Variants in ATP6V0E2 observed in about 807,000 individuals in gnomAD.
ATP6V0E2 encodes the protein V-type proton ATPase subunit e 2.
In ATP6V0E2, 4 loss-of-function variants were observed where a neutral mutation model predicts 11.5. The ratio of observed to expected loss-of-function variants is 0.35; its 90% CI spans 0.17 to 0.80. The LOEUF (loss-of-function observed/expected upper bound fraction) is 0.80. Among genes scored for constraint, ATP6V0E2 ranks in the 30% least tolerant of loss-of-function variants. ATP6V0E2 has a pLI of 0.53. For synonymous variants in ATP6V0E2, 52 were observed against 51.0 expected (o/e 1.02, Z -0.09); for missense variants, 93 against 113.5 (o/e 0.82, Z 0.82).
At position 149,879,664 on chromosome 7, in the gene ATP6V0E2, T is replaced by C; in HGVS notation, c.*349T>C. 6.9e-7 allele frequency: 1 copy of C among 1,446,396 alleles called. No individual in the cohort carries two copies. The highest frequency in any genetic ancestry group is 9.1e-7 in the Non-Finnish European group (1 of 1,095,796). The allele number at this position is 1,446,396 out of a possible 1,614,324, so 89.6% of individuals were successfully genotyped here. A position where few individuals can be genotyped will look rare whatever the true frequency, so the allele number is the denominator to read the frequency against. ...TTACAGACGGGGCAGATGCCAGGAC[T>C]CAGCCCATCCTGAGGAGGACACGTG... is the stretch of plus-strand genomic sequence containing the variant. On this transcript the variant is annotated 3_prime_UTR_variant, in exon 4 of 4. Transcript: ENST00000425642.
In ATP6V0E2 at chr7:149,875,628, C is replaced by T. The variant is rs369744898; in HGVS notation, c.135C>T (p.Ala45=). ...GVIITMLVAT[A]VCCYLFWLIA... The stretch of plus-strand genomic sequence containing the variant: ...TCATCACCATGCTGGTCGCCACCGC[C>T]GTCTGCTGTTACCTCTTGTAAGTAC... Residue 45 remains alanine, a synonymous_variant, in exon 2 of 4, where the codon GCC becomes GCT. Transcript: ENST00000425642. The T allele has an allele frequency of 1.2e-5, 20 of 1,613,724 alleles. No individual in the cohort carries two copies. Among genetic ancestry groups the T allele is most frequent in the Admixed American group, 3.3e-5 (2 of 59,980 alleles).
Position 149,873,984 on chromosome 7 carries a change from C to G in ATP6V0E2, c.-82C>G. ...CTCGACTCCTGTTGCGCATGCTCAG[C>G]GCGCTGCCCGGCTGGGGACCCGCGC... On this transcript the variant is annotated 5_prime_UTR_variant, in exon 1 of 4. Transcript: ENST00000425642. The G allele has an allele frequency of 6.5e-7, 1 of 1,544,536 alleles. No individual in the cohort carries two copies. The highest frequency in any genetic ancestry group is 8.7e-7 in the Non-Finnish European group (1 of 1,145,846).
upstream of ATP6V0E2, chr7:149,873,222 A>T (rs1802927834): frequency 6.6e-6 from 1 of 152,174 alleles, no homozygotes; most frequent in African/African-American, 2.4e-5. Flanking sequence ...ATTTAAACAA[A>T]CCTTAACTAC....
At chr7:149,874,887 G>A (rs1034742417) in intron 1 of ATP6V0E2, 3 of 153,352 alleles carry the variant, frequency 2.0e-5, no homozygotes, top group Non-Finnish European at 4.4e-5. Context: ...CAAAGATCAA[G>A]GGCCTCGTTT....
Position 149,878,668 on chromosome 7 carries a change from TCC to T in ATP6V0E2, c.153-8_153-7del. ...GTGCCAGGCTCACCATGCTTTGCTGTCCCTGGCAGCTGGCTCATCGCCATCCT... is the reference window on the plus strand; with the variant it reads ...GTGCCAGGCTCACCATGCTTTGCTGTCTGGCAGCTGGCTCATCGCCATCCT... On this transcript the variant is annotated splice_polypyrimidine_tract_variant and splice_region_variant and intron_variant, in intron 2 of 3. Coordinates refer to ENST00000425642, the MANE Select transcript of ATP6V0E2 (RefSeq NM_145230.4). 1.2e-6 allele frequency: 2 copies of T among 1,609,066 alleles called. No individual in the cohort carries two copies. The highest frequency in any genetic ancestry group is 1.7e-4 in the Middle Eastern group (1 of 5,954).
chr7:149,880,118 C>T lies in ATP6V0E2; in HGVS notation c.*803C>T, dbSNP rs112810643. 8.9e-3 allele frequency: 1,389 copies of T among 155,536 alleles called. 24 individuals carry two copies. Among genetic ancestry groups the T allele is most frequent in the African/African-American group, 0.031 (1,311 of 41,684 alleles). 9.6% of individuals were successfully genotyped at this position (155,536 alleles called of 1,614,324 possible). On this transcript the variant is annotated 3_prime_UTR_variant, in exon 4 of 4. Coordinates refer to ENST00000425642, the MANE Select transcript of ATP6V0E2 (RefSeq NM_145230.4). ...ATTTCAGAGCCTCTCATGGCAGCAT[C>T]TAAGTGACCAGAGCTGGGATGAGAG...
At chr7:149,873,528 A>G (rs1407675088), upstream of ATP6V0E2, 4 of 171,944 alleles carry the variant, frequency 2.3e-5, no homozygotes, top group Admixed American at 2.5e-4. Flanking sequence ...GGCCAGAGGG[A>G]CAGCGGGGAC....
intron 3 of ATP6V0E2, 30 bp from the exon 4 acceptor site, chr7:149,879,305 C>T (rs779280596): frequency 1.5e-5 from 23 of 1,484,874 alleles, no homozygotes; most frequent in South Asian, 8.4e-5. Flanking sequence ...ACTGCAAGGC[C>T]GGGACCCTTC....
intron 2 of ATP6V0E2, among the ~76,000 whole-genome samples, chr7:149,877,978 C>T (rs950442669): frequency 6.6e-6 from 1 of 152,194 alleles, no homozygotes; most frequent in Non-Finnish European, 1.5e-5. Context: ...GGGAAAATAC[C>T]GATCCTTCCT....
At chr7:149,878,164 C>T (rs2128949002) in intron 2 of ATP6V0E2, among the ~76,000 whole-genome samples, 1 of 152,344 alleles carries the variant, frequency 6.6e-6, no homozygotes, top group Non-Finnish European at 1.5e-5. Flanking sequence ...GGGGCAGGTC[C>T]CTGAGGGTTT....
rs1163749299 is a variant in ATP6V0E2, at chr7:149,874,021, C to T, written c.-45C>T. On this transcript the variant is annotated 5_prime_UTR_variant, in exon 1 of 4. Coordinates refer to ENST00000425642, the MANE Select transcript of ATP6V0E2 (RefSeq NM_145230.4). Reference sequence around the variant, plus strand: ...CTGGGGACCCGCGCACCTGCAGCGCCCGCTGCTCGGCCCTGCATCCTGCCT... The same window carrying T: ...CTGGGGACCCGCGCACCTGCAGCGCTCGCTGCTCGGCCCTGCATCCTGCCT... 15 of 1,547,842 alleles carry T rather than the reference C, an allele frequency of 9.7e-6. No individual in the cohort carries two copies. The highest frequency in any genetic ancestry group is 4.8e-5 in the South Asian group (4 of 84,000).
intron 1 of ATP6V0E2, among the ~76,000 whole-genome samples, chr7:149,875,308 T>C (rs1019214034): frequency 1.3e-5 from 2 of 152,218 alleles, no homozygotes; most frequent in African/African-American, 4.8e-5. Context: ...ACAACACGTC[T>C]GCATTAAGAT....
rs981245466 is a variant in ATP6V0E2, at chr7:149,879,933, T to C, written c.*618T>C. The C allele has an allele frequency of 5.8e-6, 2 of 346,960 alleles. No homozygotes were observed. Among genetic ancestry groups the C allele is most frequent in the African/African-American group, 4.2e-5 (2 of 47,564 alleles). 21.5% of individuals were successfully genotyped at this position (346,960 alleles called of 1,614,324 possible). ...GGGTCCAGATGGCCTCAGTCCTAGATGTTGGCACCCTTTGCTGTGTCTCCT... is the reference window on the plus strand; with the variant it reads ...GGGTCCAGATGGCCTCAGTCCTAGACGTTGGCACCCTTTGCTGTGTCTCCT... On this transcript the variant is annotated 3_prime_UTR_variant, in exon 4 of 4. Coordinates refer to ENST00000425642, the MANE Select transcript of ATP6V0E2 (RefSeq NM_145230.4).
chr7:149,874,716 C>A (rs540387853), intron 1 of ATP6V0E2: 3 of 154,180 alleles, frequency 1.9e-5, no homozygotes, highest in Admixed American at 1.3e-4. Context: ...TCTTCAGTTA[C>A]AAAGCACCCT....
Position 149,880,001 on chromosome 7 carries a change from G to C in ATP6V0E2, c.*686G>C, listed in dbSNP as rs1167583470. The C allele has an allele frequency of 3.6e-5, 8 of 224,420 alleles. No individual in the cohort carries two copies. The East Asian group carries it at 7.1e-4, about 20-fold the overall frequency. The allele number at this position is 224,420 out of a possible 1,614,324, so 13.9% of individuals were successfully genotyped here. On this transcript the variant is annotated 3_prime_UTR_variant, in exon 4 of 4. Transcript: ENST00000425642. ...CCTCCTGCCACCTGGACCTCCCTCA[G>C]TGGATGTCTTCCCTCCCCCGACCCC...
At chr7:149,873,845 G>A (rs1003111054), upstream of ATP6V0E2, 11 of 1,444,616 alleles carry the variant, frequency 7.6e-6, no homozygotes, top group Middle Eastern at 4.1e-4. Flanking sequence ...CTCTGTCCGC[G>A]GCCCTGCTCA....
chr7:149,876,009 T>C (rs2128948095), intron 2 of ATP6V0E2: 1 of 470,536 alleles, frequency 2.1e-6, no homozygotes, highest in Non-Finnish European at 4.2e-6. Context: ...AAATTACAAC[T>C]CTCGAGATCT....
chr7:149,874,356 G>A (rs1803013228), intron 1 of ATP6V0E2, among the ~76,000 whole-genome samples, 187 bp downstream of exon 1: 1 of 152,194 alleles, frequency 6.6e-6, no homozygotes, highest in Non-Finnish European at 1.5e-5. Flanking sequence ...CAGGCAGGAG[G>A]TGGGGCGAGA....
intron 1 of ATP6V0E2, chr7:149,875,152 G>T: frequency 5.2e-6 from 1 of 193,658 alleles, no homozygotes; most frequent in South Asian, 9.0e-5. Context: ...ACAACTCACT[G>T]GGCCTCAGAA....
Sources: gnomAD v4.1 joint callset for allele counts (sites outside exome capture counted in the v4.1 genomes callset) on GRCh38, gnomAD v4.1.1 for gene constraint, MANE v1.5 for transcripts, NCBI Gene and HGNC (gene_info 2026-07-23, HGNC 2026-07-21) for gene names.